Variants in MPP7 observed in about 807,000 individuals in gnomAD.
MPP7 encodes MAGUK p55 scaffold protein 7, also known as MAGUK p55 subfamily member 7.
A neutral mutation model predicts 76.5 loss-of-function variants in MPP7; 60 were observed. The observed-to-expected ratio is 0.78, with a 90% CI of 0.64 to 0.97. The LOEUF (loss-of-function observed/expected upper bound fraction) is 0.97, where lower values mean the gene tolerates loss of function less well. Among genes scored for constraint, MPP7 ranks in the 50% least tolerant of loss-of-function variants. The pLI is 0.00. For missense variants in MPP7, 641 were observed against 694.0 expected (o/e 0.92, Z 0.86); for synonymous variants, 237 against 244.5 (o/e 0.97, Z 0.29).
At chr10:28,198,342 C>T (rs554232879) in intron 3 of MPP7, among the ~76,000 whole-genome samples, 4 of 152,098 alleles carry the variant, frequency 2.6e-5, no homozygotes, top group South Asian at 2.1e-4. Context: ...TTTGAGAGTC[C>T]GAGGCAGGTG....
At chr10:28,192,438 C>T (rs2801833) in intron 3 of MPP7, among the ~76,000 whole-genome samples, 125,562 of 152,214 alleles carry the variant, frequency 0.82, 52,421 homozygotes, top group African/African-American at 0.89. Context: ...AGAAGCTTAA[C>T]ATCCAAAAAT....
intron 2 of MPP7, among the ~76,000 whole-genome samples, chr10:28,219,966 G>A (rs1185856088): frequency 2.6e-5 from 4 of 152,014 alleles, no homozygotes; most frequent in Non-Finnish European, 5.9e-5. Context: ...ACAACCCTGA[G>A]AGAGGCAATC....
At chr10:28,238,874 T>G (rs544635303) in intron 1 of MPP7, 139 bp from the exon 2 acceptor site, 200 of 449,008 alleles carry the variant, frequency 4.5e-4, no homozygotes, top group African/African-American at 3.6e-3. Context: ...ACAGACCACA[T>G]GCAAGTACAA....
intron 1 of MPP7, among the ~76,000 whole-genome samples, chr10:28,247,538 A>T (rs1354425362): frequency 1.3e-5 from 2 of 152,186 alleles, no homozygotes; most frequent in Non-Finnish European, 2.9e-5. Context: ...AACACAAACA[A>T]CTTTATATTA....
At chr10:28,218,197 G>A (rs1838377776) in intron 2 of MPP7, among the ~76,000 whole-genome samples, 1 of 152,168 alleles carries the variant, frequency 6.6e-6, no homozygotes, top group South Asian at 2.1e-4. Flanking sequence ...GTTCAACTGA[G>A]GCAGTGTGAT....
intron 3 of MPP7, among the ~76,000 whole-genome samples, chr10:28,161,963 T>C (rs941043027): frequency 6.6e-6 from 1 of 152,216 alleles, no homozygotes; most frequent in African/African-American, 2.4e-5. Context: ...TACATTCTTA[T>C]TGATATAGTT....
At chr10:28,239,426 T>C (rs931903861) in intron 1 of MPP7, among the ~76,000 whole-genome samples, 4 of 151,978 alleles carry the variant, frequency 2.6e-5, no homozygotes, top group Non-Finnish European at 5.9e-5. Flanking sequence ...GGATTACAGG[T>C]GTGAGTAACC....
At chr10:28,333,976 T>A (rs1440726145) in intron 1 of MPP7, among the ~76,000 whole-genome samples, 1 of 152,046 alleles carries the variant, frequency 6.6e-6, no homozygotes, top group African/African-American at 2.4e-5. Context: ...GCGGATCACT[T>A]GAGGTCAGGA....
intron 2 of MPP7, among the ~76,000 whole-genome samples, chr10:28,212,128 T>A (rs1429774383): frequency 1.3e-5 from 2 of 148,604 alleles, no homozygotes; most frequent in African/African-American, 5.0e-5. Context: ...AAAAAAAAAA[T>A]AAATGAGTGA....
At chr10:28,117,126 C>T (rs1365811262) in intron 11 of MPP7, among the ~76,000 whole-genome samples, 1 of 152,030 alleles carries the variant, frequency 6.6e-6, no homozygotes, top group Non-Finnish European at 1.5e-5. Flanking sequence ...TATGGTGATA[C>T]ACTACAAATG....
chr10:28,072,264 ACT>A (rs1041134746), intron 12 of MPP7, among the ~76,000 whole-genome samples: 2 of 152,082 alleles, frequency 1.3e-5, no homozygotes, highest in South Asian at 2.1e-4. Flanking sequence ...ACAGAGCGAG[ACT>A]CTGTCTCAAA....
intron 2 of MPP7, among the ~76,000 whole-genome samples, chr10:28,231,506 AG>A (rs1460983326): frequency 1.3e-5 from 2 of 151,848 alleles, no homozygotes; most frequent in Non-Finnish European, 2.9e-5. Context: ...CAAAATTAAG[AG>A]GAGAGAGGAA....
chr10:28,099,973 C>T (rs1853747270), intron 11 of MPP7, among the ~76,000 whole-genome samples: 1 of 150,138 alleles, frequency 6.7e-6, no homozygotes, highest in African/African-American at 2.4e-5. Flanking sequence ...TTTTTTTAAT[C>T]AGAAGATTTT....
At chr10:28,194,296 G>A (rs1009662512) in intron 3 of MPP7, among the ~76,000 whole-genome samples, 8 of 152,204 alleles carry the variant, frequency 5.3e-5, no homozygotes, top group African/African-American at 1.9e-4. Flanking sequence ...TTACAGGCAT[G>A]AGCCACCACA....
chr10:28,249,509 A>G (rs949199738), intron 1 of MPP7, among the ~76,000 whole-genome samples: 1 of 152,198 alleles, frequency 6.6e-6, no homozygotes, highest in East Asian at 1.9e-4. Context: ...GAATTGCTTG[A>G]ACCTGGGAGG....
chr10:28,066,978 G>A (rs922860112), intron 13 of MPP7, among the ~76,000 whole-genome samples: 1 of 151,948 alleles, frequency 6.6e-6, no homozygotes, highest in African/African-American at 2.4e-5. Flanking sequence ...TTCCAGTTCT[G>A]AGCTCTTATG....
At chr10:28,176,992 A>G (rs1436561839) in intron 3 of MPP7, among the ~76,000 whole-genome samples, 13 of 151,556 alleles carry the variant, frequency 8.6e-5, no homozygotes, top group South Asian at 2.1e-4. Context: ...AAACCTGCAC[A>G]TTGTGCACAT....
chr10:28,260,254 T>G (rs1054118134), intron 1 of MPP7, among the ~76,000 whole-genome samples: 7 of 152,148 alleles, frequency 4.6e-5, no homozygotes, highest in Non-Finnish European at 1.0e-4. Flanking sequence ...TCATTTCCAG[T>G]GGCAATTCAT....
chr10:28,139,614 A>G (rs1588836685), intron 5 of MPP7, among the ~76,000 whole-genome samples: 1 of 152,152 alleles, frequency 6.6e-6, no homozygotes, highest in East Asian at 1.9e-4. Flanking sequence ...TTAATCTTTA[A>G]AAGAGTTAAT....
Sources: gnomAD v4.1 joint callset for allele counts (sites outside exome capture counted in the v4.1 genomes callset) on GRCh38, gnomAD v4.1.1 for gene constraint, MANE v1.5 for transcripts, NCBI Gene and HGNC (gene_info 2026-07-23, HGNC 2026-07-21) for gene names.